The following TMEM63B variants were observed in gnomAD, a reference collection of about 807,000 sequenced individuals.
TMEM63B encodes the protein transmembrane protein 63B, also known as mechanosensitive cation channel TMEM63B.
In TMEM63B, 23 loss-of-function variants were observed where a neutral mutation model predicts 102.6. That is an observed-to-expected ratio of 0.22 (90% CI 0.16 to 0.32). TMEM63B has a LOEUF of 0.32. Ranked by LOEUF, TMEM63B falls within the 10% of genes least tolerant of loss-of-function variation. TMEM63B has a pLI of 1.00. For synonymous variants in TMEM63B, 444 were observed against 437.0 expected (o/e 1.02, Z -0.20); for missense variants, 628 against 1,095.9 (o/e 0.57, Z 6.03).
At chr6:44,132,127 T>A (rs570179319) in intron 1 of TMEM63B, among the ~76,000 whole-genome samples, 113 of 152,350 alleles carry the variant, frequency 7.4e-4, no homozygotes, top group African/African-American at 2.5e-3. Flanking sequence ...GTCCTGTCAC[T>A]GTGCAAGTTG....
rs1224934723 is a variant in TMEM63B at position 44,139,908 on chromosome 6, G to A, written c.602+149G>A. The A allele has an allele frequency of 3.1e-6, 3 of 957,378 alleles. No homozygotes were observed. The East Asian group carries it at 7.5e-5, about 24-fold the overall frequency. The allele number at this position is 957,378 out of a possible 1,614,324, so 59.3% of individuals were successfully genotyped here. A position where few individuals can be genotyped will look rare whatever the true frequency, so the allele number is the denominator to read the frequency against. The stretch of plus-strand genomic sequence containing the variant: ...CTGAGGGCTTGGGTTGGAGACAGAA[G>A]AGGGAAATGCCTGCTGAGGATCCCC... On this transcript the variant is annotated intron_variant, in intron 8 of 23. Coordinates refer to ENST00000323267, the MANE Select transcript of TMEM63B (RefSeq NM_018426.3).
chr6:44,150,597 G>T lies in TMEM63B; in HGVS notation c.1641G>T (p.Lys547Asn). The T allele has an allele frequency of 1.2e-6, 2 of 1,614,156 alleles. No individual in the cohort carries two copies. The highest frequency in any genetic ancestry group is 1.7e-6 in the Non-Finnish European group (2 of 1,180,020). Reference sequence around the variant, plus strand: ...TCTTCTTCCGCTGGCTCTTTGATAAGAAATTCTTGGCTGAGGCAGCTATTC... The same window carrying T: ...TCTTCTTCCGCTGGCTCTTTGATAATAAATTCTTGGCTGAGGCAGCTATTC... The part of the protein sequence containing the change: ...LDLFFRWLFD[K>N]KFLAEAAIRF... The change falls in exon 18 of 24, where the codon AAG becomes AAT. Residue 547 changes from lysine (K) to asparagine (N), a missense_variant. This residue lies in a region of TMEM63B where 61 missense variants were observed against 176.0 expected (regional missense o/e 0.35). Transcript: ENST00000323267. This position sits in a 1 kb window ranked among gnomAD's most constrained non-coding sequence, Gnocchi z 4.7.
chr6:44,140,317 T>C lies in TMEM63B; in HGVS notation c.668T>C (p.Met223Thr), dbSNP rs1243879139. 1 of 1,613,958 alleles carries C rather than the reference T, an allele frequency of 6.2e-7. No individual in the cohort carries two copies. Among genetic ancestry groups the C allele is most frequent in the Non-Finnish European group, 8.5e-7 (1 of 1,179,924 alleles). ...FLYLLLTVYS[M>T]RRHTSKMRYK... ...TATCTGCTGCTCACCGTCTACAGCA[T>C]GCGTAGACACACCTCCAAGATGCGC... The change falls in exon 9 of 24, where the codon ATG becomes ACG. Residue 223 changes from methionine (M) to threonine (T), a missense_variant. Met to Thr is a moderately conservative substitution (Grantham distance 81). Around this residue, in one of 6 missense-constraint regions of TMEM63B, gnomAD observed 336 missense variants for 580.3 expected, o/e 0.58. Transcript: ENST00000323267.
chr6:44,138,264 T>A, intron 5 of TMEM63B: 1 of 488,212 alleles, frequency 2.0e-6, no homozygotes. Context: ...GATAAACCTG[T>A]TTAGTGTTGG....
intron 2 of TMEM63B, 130 bp downstream of exon 2, chr6:44,134,873 C>A (rs1762611233): frequency 1.3e-6 from 2 of 1,486,556 alleles, no homozygotes; most frequent in South Asian, 1.2e-5. Context: ...CCCCATCATC[C>A]AGCCCAAGCC....
At position 44,140,326 on chromosome 6, in the gene TMEM63B, A is replaced by G. The variant is rs1400102995; in HGVS notation, c.677A>G (p.His226Arg). 2 of 1,613,910 alleles carry G rather than the reference A, an allele frequency of 1.2e-6. No individual in the cohort carries two copies. Among genetic ancestry groups the G allele is most frequent in the Non-Finnish European group, 1.7e-6 (2 of 1,179,896 alleles). ...CTCACCGTCTACAGCATGCGTAGAC[A>G]CACCTCCAAGATGCGCTACAAGGAG... ...LLLTVYSMRRHTSKMRYKEDD... is the reference protein window; with the variant it reads ...LLLTVYSMRRRTSKMRYKEDD... The change falls in exon 9 of 24, where the codon CAC (histidine) becomes CGC (arginine). Residue 226 changes from histidine (H) to arginine (R), a missense_variant. Coordinates refer to ENST00000323267, the MANE Select transcript of TMEM63B (RefSeq NM_018426.3).
chr6:44,149,035 C>G (rs1019624092), intron 15 of TMEM63B, 90 bp downstream of exon 15: 1 of 1,594,104 alleles, frequency 6.3e-7, no homozygotes, highest in African/African-American at 1.4e-5. Flanking sequence ...CCAGCCCAGC[C>G]CGTTCTGCTT....
At chr6:44,147,019 T>A in intron 11 of TMEM63B, 92 bp downstream of exon 11, 1 of 1,391,454 alleles carries the variant, frequency 7.2e-7, no homozygotes. Context: ...CCTTCTAGAT[T>A]TTTTCCTAGG....
rs1762623296 is a variant in TMEM63B, at chr6:44,134,920, C to A, written c.160-97C>A. ...CATTCACCCAAGCCAGGGTCATCCC[C>A]TTCTAAGACAAGATTTTGGACCCTC... On this transcript the variant is annotated intron_variant, in intron 2 of 23. Coordinates refer to ENST00000323267, the MANE Select transcript of TMEM63B (RefSeq NM_018426.3). The A allele has an allele frequency of 4.6e-6, 7 of 1,525,330 alleles. No individual in the cohort carries two copies. In the South Asian group the frequency reaches 5.8e-5, roughly 13 times the overall value. 94.5% of individuals were successfully genotyped at this position (1,525,330 alleles called of 1,614,324 possible). A position where few individuals can be genotyped will look rare whatever the true frequency, so the allele number is the denominator to read the frequency against.
At chr6:44,138,623 G>C (rs1365599773) in intron 6 of TMEM63B, 106 bp downstream of exon 6, 1 of 1,316,320 alleles carries the variant, frequency 7.6e-7, no homozygotes, top group Non-Finnish European at 1.1e-6. Flanking sequence ...AGCACTCCTC[G>C]CCAGCACAGC....
At chr6:44,145,184 G>A (rs1298103871) in intron 10 of TMEM63B, among the ~76,000 whole-genome samples, 2 of 151,358 alleles carry the variant, frequency 1.3e-5, no homozygotes, top group African/African-American at 4.9e-5. Context: ...CTGAGACAGG[G>A]GAATCACTTG....
Position 44,150,760 on chromosome 6 carries a change from G to A in TMEM63B, c.1673+131G>A. On this transcript the variant is annotated intron_variant, in intron 18 of 23. Transcript: ENST00000323267. The surrounding 1 kb of genome is among the most constrained non-coding windows in gnomAD (Gnocchi z 4.7). ...GGAGGGGGCAGAAGAGAGAGGATCT[G>A]GCGGGGTTACCCCAAAGGCACCCAC... 1.0e-6 allele frequency: 1 copy of A among 997,788 alleles called. No individual in the cohort carries two copies. The highest frequency in any genetic ancestry group is 1.5e-6 in the Non-Finnish European group (1 of 658,248). 61.8% of individuals were successfully genotyped at this position (997,788 alleles called of 1,614,324 possible).
At position 44,153,618 on chromosome 6, in the gene TMEM63B, C is replaced by T. The variant is rs1037751514; in HGVS notation, c.1943-58C>T. On this transcript the variant is annotated intron_variant, in intron 20 of 23. Transcript: ENST00000323267. ...CAGGACCAGAACAACCTGTGACAGA[C>T]ACACAAAAGGTTCGGCAGCACTGGT... The T allele has an allele frequency of 2.4e-5, 37 of 1,570,792 alleles. No homozygotes were observed. In the African/African-American group the frequency reaches 4.8e-4, roughly 21 times the overall value.
rs1766469001 is a variant in TMEM63B at position 44,150,932 on chromosome 6, T to C, written c.1673+303T>C. On this transcript the variant is annotated intron_variant, in intron 18 of 23. Transcript: ENST00000323267. The surrounding 1 kb of genome is among the most constrained non-coding windows in gnomAD (Gnocchi z 4.7). Reference sequence around the variant, plus strand: ...CATTCTGGTAGTTTCTATGGGGGTGTCTTGTGCCCATATTCTGGGACTAAC... The same window carrying C: ...CATTCTGGTAGTTTCTATGGGGGTGCCTTGTGCCCATATTCTGGGACTAAC... Among the ~76,000 whole-genome samples, 1 of 152,144 alleles carries C rather than the reference T, an allele frequency of 6.6e-6. No individual in the cohort carries two copies. The highest frequency in any genetic ancestry group is 6.5e-5 in the Admixed American group (1 of 15,268).
chr6:44,148,226 G>C lies in TMEM63B; in HGVS notation c.988-26G>C. 1 of 1,613,478 alleles carries C rather than the reference G, an allele frequency of 6.2e-7. No homozygotes were observed. Among genetic ancestry groups the C allele is most frequent in the Non-Finnish European group, 8.5e-7 (1 of 1,179,534 alleles). On this transcript the variant is annotated intron_variant, in intron 12 of 23. Transcript: ENST00000323267. The surrounding 1 kb of genome is among the most constrained non-coding windows in gnomAD (Gnocchi z 5.1). ...CCCCAGCCTGGCTTTCCAACTAGAG[G>C]CCCTGTCCCTAACCCTCCCACAAAG... is the stretch of plus-strand genomic sequence containing the variant.
At chr6:44,151,121 G>T (rs1314522609) in intron 18 of TMEM63B, among the ~76,000 whole-genome samples, 2 of 152,130 alleles carry the variant, frequency 1.3e-5, no homozygotes, top group African/African-American at 4.8e-5. Context: ...TTATAACTCT[G>T]GGGGTGTCTG....
At chr6:44,142,472 G>T (rs780773578) in intron 10 of TMEM63B, among the ~76,000 whole-genome samples, 8 of 152,144 alleles carry the variant, frequency 5.3e-5, no homozygotes, top group African/African-American at 1.9e-4. Flanking sequence ...AGAGGTTGCA[G>T]TGAGCCGAGA....
At chr6:44,133,731 C>G (rs66629131) in intron 1 of TMEM63B, among the ~76,000 whole-genome samples, 40,118 of 152,226 alleles carry the variant, frequency 0.26, 5,820 homozygotes, top group African/African-American at 0.39. Context: ...CCCAGGCAGG[C>G]TAAGAGGCCC....
intron 6 of TMEM63B, chr6:44,138,740 C>CCCCCCA (rs1181663084): frequency 5.0e-6 from 2 of 401,528 alleles, no homozygotes; most frequent in Non-Finnish European, 9.4e-6. Context: ...CTGCCGGCCC[C>CCCCCCA]CCCGCTTCTC....
Sources: gnomAD v4.1 joint callset for allele counts (sites outside exome capture counted in the v4.1 genomes callset) on GRCh38, gnomAD v4.1.1 for gene constraint, gnomAD v4.1.1 regional missense constraint, Gnocchi (gnomAD v3.1) non-coding constraint, MANE v1.5 for transcripts, NCBI Gene and HGNC (gene_info 2026-07-23, HGNC 2026-07-21) for gene names.